PTPRD: variants seen among roughly 807,000 people sequenced by gnomAD.
PTPRD encodes the protein receptor-type tyrosine-protein phosphatase delta.
In PTPRD, 34 loss-of-function variants were observed where a neutral mutation model predicts 214.5. The observed-to-expected ratio is 0.16, with a 90% CI of 0.12 to 0.21. PTPRD has a LOEUF of 0.21. Among genes scored for constraint, PTPRD ranks in the 10% least tolerant of loss-of-function variants. The pLI is 1.00. For missense variants in PTPRD, 2,545 were observed against 2,398.7 expected, an observed-to-expected ratio of 1.06 and a Z score of -1.27; for synonymous variants, 1,128 against 845.7, an observed-to-expected ratio of 1.33 and a Z score of -5.79.
chr9:8,667,487 T>C (rs2097193894), intron 12 of PTPRD, among the ~76,000 whole-genome samples: 1 of 152,184 alleles, frequency 6.6e-6, no homozygotes, highest in Non-Finnish European at 1.5e-5. Flanking sequence ...ATCCAAAACT[T>C]TTTGAGCACT....
At chr9:10,348,216 A>G (rs553521202) in intron 2 of PTPRD, among the ~76,000 whole-genome samples, 2 of 152,266 alleles carry the variant, frequency 1.3e-5, no homozygotes, top group African/African-American at 4.8e-5. Context: ...ACGTAGGATT[A>G]CTTTTTTTAA....
At chr9:8,588,915 G>C (rs1196814512) in intron 14 of PTPRD, among the ~76,000 whole-genome samples, 3 of 152,048 alleles carry the variant, frequency 2.0e-5, no homozygotes, top group African/African-American at 7.2e-5. Flanking sequence ...CAGACATCCT[G>C]AATCAGGCTT....
intron 11 of PTPRD, among the ~76,000 whole-genome samples, chr9:8,736,779 G>A (rs950103541): frequency 6.6e-6 from 1 of 151,812 alleles, no homozygotes; most frequent in Non-Finnish European, 1.5e-5. Context: ...CCAGAAGCTG[G>A]CCAGCTGTTC....
intron 3 of PTPRD, among the ~76,000 whole-genome samples, chr9:10,195,211 A>C (rs559523355): frequency 1.0e-3 from 149 of 149,700 alleles, no homozygotes; most frequent in African/African-American, 3.5e-3. Context: ...ATAAAAACGG[A>C]AGGGAATATT....
chr9:9,808,445 A>G (rs1487256635), intron 5 of PTPRD, among the ~76,000 whole-genome samples: 1 of 152,146 alleles, frequency 6.6e-6, no homozygotes, highest in Non-Finnish European at 1.5e-5. Flanking sequence ...ATTGACCAGA[A>G]AAGATTAACC....
intron 3 of PTPRD, among the ~76,000 whole-genome samples, chr9:10,175,115 T>G (rs1171335289): frequency 6.6e-6 from 1 of 152,060 alleles, no homozygotes; most frequent in African/African-American, 2.4e-5. Context: ...TTAAGAGAGA[T>G]AAGAACTACT....
intron 11 of PTPRD, among the ~76,000 whole-genome samples, chr9:9,003,127 T>C (rs1463443556): frequency 3.9e-5 from 6 of 152,042 alleles, no homozygotes; most frequent in Non-Finnish European, 7.4e-5. Flanking sequence ...CCCCTGACCA[T>C]TAACTATTAT....
At chr9:8,618,052 A>G (rs1235488921) in intron 14 of PTPRD, among the ~76,000 whole-genome samples, 1 of 151,946 alleles carries the variant, frequency 6.6e-6, no homozygotes, top group Non-Finnish European at 1.5e-5. Context: ...GAATTGCCCA[A>G]CTGAGTAGAA....
intron 11 of PTPRD, among the ~76,000 whole-genome samples, chr9:8,777,695 G>A (rs199505931): frequency 1.3e-5 from 2 of 152,146 alleles, no homozygotes; most frequent in South Asian, 4.1e-4. Context: ...GAAGGTCAGT[G>A]ATAAAAGAGA....
intron 9 of PTPRD, among the ~76,000 whole-genome samples, chr9:9,391,370 A>T (rs932144057): frequency 1.3e-5 from 2 of 152,210 alleles, no homozygotes; most frequent in Admixed American, 1.3e-4. Flanking sequence ...AAAAGAATAA[A>T]AAATATAAGA....
rs1854316383 is a variant in PTPRD at position 8,343,312 on chromosome 9, G to C, written c.4662-1334C>G. On this transcript the variant is annotated intron_variant, in intron 39 of 45. Coordinates refer to ENST00000381196, the MANE Select transcript of PTPRD (RefSeq NM_002839.4). Reference sequence around the variant, plus strand: ...GGTTACTTTTTTATGTCCTATGCCAGAGGGCTCCTGAATACTGATGCCAAG... The same window carrying C: ...GGTTACTTTTTTATGTCCTATGCCACAGGGCTCCTGAATACTGATGCCAAG... Among the ~76,000 whole-genome samples, 3 of 152,032 alleles carry C rather than the reference G, an allele frequency of 2.0e-5. No homozygotes were observed. The South Asian group carries it at 6.2e-4, about 32-fold the overall frequency.
rs138276364 is a variant in PTPRD at position 8,537,430 on chromosome 9, G to C, written c.353-8651C>G. Among the ~76,000 whole-genome samples the C allele has an allele frequency of 1.8e-3, 281 of 152,008 alleles. 1 individual carries two copies. The highest frequency in any genetic ancestry group is 6.5e-3 in the African/African-American group (268 of 41,512). On this transcript the variant is annotated intron_variant, in intron 14 of 45. Coordinates refer to ENST00000381196, the MANE Select transcript of PTPRD (RefSeq NM_002839.4). ...TTCCCAAAAAAGTAATTATGAACAA[G>C]ATACAAAAATTTTTTTCCCAAGGTC... is the stretch of plus-strand genomic sequence containing the variant.
At chr9:10,407,157 C>G (rs2098376618) in intron 2 of PTPRD, among the ~76,000 whole-genome samples, 1 of 151,346 alleles carries the variant, frequency 6.6e-6, no homozygotes, top group Non-Finnish European at 1.5e-5. Flanking sequence ...TAAGTGGAAA[C>G]TTAATTATTG....
intron 2 of PTPRD, among the ~76,000 whole-genome samples, chr9:10,466,361 T>C (rs1462224094): frequency 6.6e-6 from 1 of 152,040 alleles, no homozygotes; most frequent in Non-Finnish European, 1.5e-5. Context: ...CGGTGGCTGA[T>C]GCCTGTAATC....
intron 5 of PTPRD, among the ~76,000 whole-genome samples, chr9:9,893,586 G>C (rs1370629037): frequency 6.6e-6 from 1 of 152,116 alleles, no homozygotes; most frequent in African/African-American, 2.4e-5. Flanking sequence ...TGAATAGCTA[G>C]TATTGAATAA....
At chr9:10,351,121 G>C (rs1266312330) in intron 2 of PTPRD, among the ~76,000 whole-genome samples, 1 of 152,074 alleles carries the variant, frequency 6.6e-6, no homozygotes, top group Non-Finnish European at 1.5e-5. Flanking sequence ...AAGTGTTAAA[G>C]AATTGTAAAA....
At chr9:9,114,848 C>T (rs2099810793) in intron 10 of PTPRD, among the ~76,000 whole-genome samples, 1 of 152,004 alleles carries the variant, frequency 6.6e-6, no homozygotes, top group Non-Finnish European at 1.5e-5. Flanking sequence ...ATACGTTATT[C>T]TAGGTGGAAG....
chr9:10,343,582 C>T (rs955460125), intron 2 of PTPRD, among the ~76,000 whole-genome samples: 30 of 152,120 alleles, frequency 2.0e-4, no homozygotes, highest in Non-Finnish European at 2.9e-5. Context: ...AACTAATTTA[C>T]AGTCCCACCA....
chr9:10,361,402 A>G (rs749811641), intron 2 of PTPRD, among the ~76,000 whole-genome samples: 21 of 152,154 alleles, frequency 1.4e-4, no homozygotes, highest in Non-Finnish European at 2.8e-4. Context: ...CTCAGACCAC[A>G]GTTTGTGAAC....
Sources: allele counts gnomAD v4.1 joint callset (sites outside exome capture counted in the v4.1 genomes callset), GRCh38; gene constraint gnomAD v4.1.1; transcripts MANE v1.5; gene names NCBI Gene and HGNC (gene_info 2026-07-23, HGNC 2026-07-21).